The following IRX5 variants were observed in gnomAD, a reference collection of about 807,000 sequenced individuals.
IRX5 encodes iroquois homeobox 5.
Under a neutral mutation model 37.6 loss-of-function variants are expected in IRX5, and 8 were observed. The ratio of observed to expected loss-of-function variants is 0.21; its 90% confidence interval spans 0.12 to 0.38. The LOEUF is 0.38. Ranked by LOEUF, IRX5 falls within the 10% of genes least tolerant of loss-of-function variation. IRX5 has a pLI of 1.00. For synonymous variants in IRX5, 359 were observed against 328.6 expected, an observed-to-expected ratio of 1.09 and a Z score of -1.00; for missense variants, 635 against 695.2, an observed-to-expected ratio of 0.91 and a Z score of 0.97.
Position 54,934,179 on chromosome 16 carries a change from A to G in IRX5, c.*306A>G. 1.4e-5 allele frequency: 3 copies of G among 209,406 alleles called. No individual in the cohort carries two copies. Among genetic ancestry groups the G allele is most frequent in the Non-Finnish European group, 1.9e-5 (2 of 106,200 alleles). The allele number at this position is 209,406 out of a possible 1,614,324, so 13.0% of individuals were successfully genotyped here. ...TATCTTTGAAGTAAATTATGAAATC[A>G]AGACACCTGTACAGGCATTTAATGT... On this transcript the variant is annotated 3_prime_UTR_variant, in exon 3 of 3. Coordinates refer to ENST00000394636, the MANE Select transcript of IRX5 (RefSeq NM_005853.6).
rs1168261643 is a variant in IRX5 at position 54,932,591 on chromosome 16, G to C, written c.343G>C (p.Ala115Pro). The stretch of plus-strand genomic sequence containing the variant: ...GGGATCGTACCCTTACGGGGACCCA[G>C]CGTACCGGAAGAACGCCACAAGGGA... ...PLGSYPYGDP[A>P]YRKNATRDAT... Residue 115 changes from alanine to proline, a missense_variant, in exon 2 of 3, where the codon GCG (alanine) becomes CCG (proline). Ala to Pro is a conservative substitution (Grantham distance 27). Around this residue, in one of 5 missense-constraint regions of IRX5, gnomAD observed 55 missense variants for 120.5 expected, o/e 0.46. Transcript: ENST00000394636. This position sits in a 1 kb window ranked among gnomAD's most constrained non-coding sequence, Gnocchi z 6.7. 1 of 1,614,118 alleles carries C rather than the reference G, an allele frequency of 6.2e-7. No individual in the cohort carries two copies. The highest frequency in any genetic ancestry group is 8.5e-7 in the Non-Finnish European group (1 of 1,180,030).
Position 54,932,849 on chromosome 16 carries a change from G to C in IRX5, c.601G>C (p.Glu201Gln), listed in dbSNP as rs754897543. The C allele has an allele frequency of 1.2e-6, 2 of 1,614,074 alleles. No individual in the cohort carries two copies. Among genetic ancestry groups the C allele is most frequent in the Non-Finnish European group, 1.7e-6 (2 of 1,179,990 alleles). Residue 201 changes from glutamate (E) to glutamine (Q), a missense_variant, in exon 2 of 3, where the codon GAG becomes CAG. Glu to Gln is a conservative substitution (Grantham distance 29, BLOSUM62 2). Coordinates refer to ENST00000394636, the MANE Select transcript of IRX5 (RefSeq NM_005853.6). This position sits in a 1 kb window ranked among gnomAD's most constrained non-coding sequence, Gnocchi z 6.7. Reference sequence around the variant, plus strand: ...GAACATTGACCTGGAGAAGAACGACGAGGACGAGCCCCAGAAGCCCGAGGA... The same window carrying C: ...GAACATTGACCTGGAGAAGAACGACCAGGACGAGCCCCAGAAGCCCGAGGA... ...EENIDLEKND[E>Q]DEPQKPEDKG...
chr16:54,931,068 C>A lies in IRX5; in HGVS notation c.-131C>A. The A allele has an allele frequency of 3.5e-6, 2 of 573,846 alleles. No homozygotes were observed. The highest frequency in any genetic ancestry group is 4.5e-6 in the Non-Finnish European group (2 of 448,350). The allele number at this position is 573,846 out of a possible 1,614,324, so 35.5% of individuals were successfully genotyped here. On this transcript the variant is annotated 5_prime_UTR_variant, in exon 1 of 3. Transcript: ENST00000394636. ...GCGAGGAGGCGCCGCGGGCCGGAGC[C>A]CCGGAGCCGGGGCCAGAGGAGCGGC...
At position 54,933,613 on chromosome 16, in the gene IRX5, C is replaced by CTA; in HGVS notation, c.1193_1194insAT (p.Ser399CysfsTer45). The stretch of plus-strand genomic sequence containing the variant: ...GTGTCCTTTTCCAGGCGGGACGGTG[C>CTA]TGTCCCGGCCTCTCTACTACACCGC... On this transcript the variant is annotated frameshift_variant, in exon 3 of 3. Transcript: ENST00000394636. LOFTEE classifies it high-confidence loss of function. The CTA allele has an allele frequency of 6.2e-7, 1 of 1,610,846 alleles. No homozygotes were observed. The highest frequency in any genetic ancestry group is 8.5e-7 in the Non-Finnish European group (1 of 1,178,044).
rs1168774214 is a variant in IRX5 at position 54,931,123 on chromosome 16, G to T, written c.-76G>T. 5 of 1,185,494 alleles carry T rather than the reference G, an allele frequency of 4.2e-6. No individual in the cohort carries two copies. Among genetic ancestry groups the T allele is most frequent in the African/African-American group, 1.6e-5 (1 of 62,108 alleles). The allele number at this position is 1,185,494 out of a possible 1,614,324, so 73.4% of individuals were successfully genotyped here. A position where few individuals can be genotyped will look rare whatever the true frequency, so the allele number is the denominator to read the frequency against. Reference sequence around the variant, plus strand: ...CAGGGCAGCCAGAGGCCAGGTGCCCGCCCGCTCGCCCTCGCAGGGCGCCGC... The same window carrying T: ...CAGGGCAGCCAGAGGCCAGGTGCCCTCCCGCTCGCCCTCGCAGGGCGCCGC... On this transcript the variant is annotated 5_prime_UTR_variant, in exon 1 of 3. Transcript: ENST00000394636.
In IRX5 at chr16:54,932,204, C is replaced by G; in HGVS notation, c.250-294C>G. On this transcript the variant is annotated intron_variant, in intron 1 of 2. Transcript: ENST00000394636. The surrounding 1 kb of genome is among the most constrained non-coding windows in gnomAD (Gnocchi z 6.7). ...CCGGGCCGCCGTGGCCAGATCTGCG[C>G]ACGGGGTACGGACGTGCCCGGGCAG... The G allele has an allele frequency of 2.8e-6, 2 of 702,764 alleles. No individual in the cohort carries two copies. Among genetic ancestry groups the G allele is most frequent in the Non-Finnish European group, 2.6e-6 (1 of 384,992 alleles). 43.5% of individuals were successfully genotyped at this position (702,764 alleles called of 1,614,324 possible).
chr16:54,933,102 G>T lies in IRX5; in HGVS notation c.681G>T (p.Ser227=), dbSNP rs139113918. Residue 227 remains serine, a synonymous_variant, in exon 3 of 3, where the codon TCG becomes TCT. Transcript: ENST00000394636. ...GAGGAGCTGAGCAGAAGGCGGCTTCGGGCTGCGAACGGCTTCAGGGACCAC... is the reference window on the plus strand; with the variant it reads ...GAGGAGCTGAGCAGAAGGCGGCTTCTGGCTGCGAACGGCTTCAGGGACCAC... The part of the protein sequence containing the change: ...EAGGAEQKAA[S]GCERLQGPPT... The T allele has an allele frequency of 5.7e-6, 9 of 1,591,666 alleles. No individual in the cohort carries two copies. The highest frequency in any genetic ancestry group is 6.0e-6 in the Non-Finnish European group (7 of 1,174,384).
chr16:54,933,659 C>T lies in IRX5; in HGVS notation c.1238C>T (p.Thr413Met), dbSNP rs568146590. The change falls in exon 3 of 3, where the codon ACG becomes ATG. Residue 413 changes from threonine (T) to methionine (M), a missense_variant. Transcript: ENST00000394636. ...YYTAPFYPGY[T>M]NYGSFGHLHG... ...ACCGCGCCCTTCTATCCCGGCTACA[C>T]GAACTATGGCTCCTTCGGACACCTT... 2 of 1,611,872 alleles carry T rather than the reference C, an allele frequency of 1.2e-6. No homozygotes were observed. The highest frequency in any genetic ancestry group is 2.2e-5 in the East Asian group (1 of 44,758).
At position 54,933,926 on chromosome 16, in the gene IRX5, G is replaced by T. The variant is rs1963938404; in HGVS notation, c.*53G>T. On this transcript the variant is annotated 3_prime_UTR_variant, in exon 3 of 3. Coordinates refer to ENST00000394636, the MANE Select transcript of IRX5 (RefSeq NM_005853.6). ...CTAATTTATTAAAAACATGGCCTTG[G>T]CAGTTATTTTTCCATCACCGAGAGA... 5.4e-6 allele frequency: 8 copies of T among 1,481,980 alleles called. No homozygotes were observed. The East Asian group carries it at 9.3e-5, about 17-fold the overall frequency. 91.8% of individuals were successfully genotyped at this position (1,481,980 alleles called of 1,614,324 possible). A position where few individuals can be genotyped will look rare whatever the true frequency, so the allele number is the denominator to read the frequency against.
intron 1 of IRX5, 109 bp downstream of exon 1, chr16:54,931,556 C>A: frequency 7.3e-7 from 1 of 1,365,868 alleles, no homozygotes; most frequent in Non-Finnish European, 9.6e-7. Context: ...CCCCGCCAAG[C>A]TTCGCGGCCC....
In IRX5 at chr16:54,932,989, T is replaced by TG; in HGVS notation, c.656-83dup. 1 of 1,593,454 alleles carries TG rather than the reference T, an allele frequency of 6.3e-7. No homozygotes were observed. Among genetic ancestry groups the TG allele is most frequent in the Non-Finnish European group, 8.5e-7 (1 of 1,172,398 alleles). The stretch of plus-strand genomic sequence containing the variant: ...GGGGGCGCGCACGGGGCCTGGAGGT[T>TG]GGGGGCAGGGGTCCCTGCCTTTGCG... On this transcript the variant is annotated intron_variant, in intron 2 of 2. Coordinates refer to ENST00000394636, the MANE Select transcript of IRX5 (RefSeq NM_005853.6). This position sits in a 1 kb window ranked among gnomAD's most constrained non-coding sequence, Gnocchi z 6.7.
Position 54,932,531 on chromosome 16 carries a change from G to A in IRX5, c.283G>A (p.Gly95Ser), listed in dbSNP as rs1200015221. ...CTACGACCACACACCCGGCATGGCG[G>A]GCTCCTTGGGGTACCATCCTTACGC... ...SPYDHTPGMAGSLGYHPYAAP... is the reference protein window; with the variant it reads ...SPYDHTPGMASSLGYHPYAAP... The change falls in exon 2 of 3, where the codon GGC becomes AGC. Residue 95 changes from glycine (G) to serine (S), a missense_variant. Gly to Ser is a moderately conservative substitution (Grantham distance 56). This residue lies in a region of IRX5 where 145 missense variants were observed against 152.4 expected (regional missense o/e 0.95). Transcript: ENST00000394636. The surrounding 1 kb of genome is among the most constrained non-coding windows in gnomAD (Gnocchi z 6.7). The A allele has an allele frequency of 6.2e-7, 1 of 1,613,144 alleles. No homozygotes were observed. Among genetic ancestry groups the A allele is most frequent in the African/African-American group, 1.3e-5 (1 of 74,882 alleles).
At position 54,933,531 on chromosome 16, in the gene IRX5, C is replaced by T. The variant is rs1963930840; in HGVS notation, c.1110C>T (p.Ala370=). Residue 370 remains alanine (A), a synonymous_variant, in exon 3 of 3, where the codon GCC becomes GCT. Coordinates refer to ENST00000394636, the MANE Select transcript of IRX5 (RefSeq NM_005853.6). ...GTCCCGGGCCCATAGCCGGGCAAGCCCTAGGAGGCAGCCGGGCGTCGCCGG... is the reference window on the plus strand; with the variant it reads ...GTCCCGGGCCCATAGCCGGGCAAGCTCTAGGAGGCAGCCGGGCGTCGCCGG... ...PPCPGPIAGQ[A]LGGSRASPAP... 6.2e-7 allele frequency: 1 copy of T among 1,608,080 alleles called. No homozygotes were observed. The highest frequency in any genetic ancestry group is 8.5e-7 in the Non-Finnish European group (1 of 1,177,170).
chr16:54,933,112 C>A lies in IRX5; in HGVS notation c.691C>A (p.Arg231=), dbSNP rs200111411. Residue 231 remains arginine (R), a synonymous_variant, in exon 3 of 3, where the codon CGG becomes AGG. Coordinates refer to ENST00000394636, the MANE Select transcript of IRX5 (RefSeq NM_005853.6). ...AEQKAASGCE[R]LQGPPTPAGK... ...GCAGAAGGCGGCTTCGGGCTGCGAA[C>A]GGCTTCAGGGACCACCCACCCCTGC... is the stretch of plus-strand genomic sequence containing the variant. The A allele has an allele frequency of 6.3e-7, 1 of 1,589,562 alleles. No homozygotes were observed. Among genetic ancestry groups the A allele is most frequent in the East Asian group, 2.3e-5 (1 of 44,046 alleles).
In IRX5 at chr16:54,931,379, T is replaced by C; in HGVS notation, c.181T>C (p.Tyr61His). 6.2e-7 allele frequency: 1 copy of C among 1,603,448 alleles called. No individual in the cohort carries two copies. Among genetic ancestry groups the C allele is most frequent in the African/African-American group, 1.3e-5 (1 of 74,928 alleles). Residue 61 changes from tyrosine to histidine, a missense_variant, in exon 1 of 3, where the codon TAC becomes CAC. Tyr to His is a moderately conservative substitution (Grantham distance 83). Coordinates refer to ENST00000394636, the MANE Select transcript of IRX5 (RefSeq NM_005853.6). Reference protein sequence around the residue: ...STAFTAPSPGYNSHLQYGADP... With the variant: ...STAFTAPSPGHNSHLQYGADP... The stretch of plus-strand genomic sequence containing the variant: ...TGCCTTCACGGCGCCCTCGCCGGGC[T>C]ACAACTCGCACCTCCAGTACGGCGC...
Position 54,932,436 on chromosome 16 carries a change from C to T in IRX5, c.250-62C>T, listed in dbSNP as rs1373716833. ...GGGGAGCGCAGGGAAAAGGGTGCTT[C>T]GGTCGTTCCGATGGCAGTGGAGACC... On this transcript the variant is annotated intron_variant, in intron 1 of 2. Transcript: ENST00000394636. The surrounding 1 kb of genome is among the most constrained non-coding windows in gnomAD (Gnocchi z 6.7). 1 of 1,528,970 alleles carries T rather than the reference C, an allele frequency of 6.5e-7. No individual in the cohort carries two copies. The highest frequency in any genetic ancestry group is 2.3e-5 in the East Asian group (1 of 44,216). 94.7% of individuals were successfully genotyped at this position (1,528,970 alleles called of 1,614,324 possible).
In IRX5 at chr16:54,932,120, C is replaced by T. The variant is rs1343606215; in HGVS notation, c.250-378C>T. ...TCCCCCCTTGCGCCCAACGTGCGTCCGCTCCCCCGCCGAGCGCGGAGTCGC... is the reference window on the plus strand; with the variant it reads ...TCCCCCCTTGCGCCCAACGTGCGTCTGCTCCCCCGCCGAGCGCGGAGTCGC... On this transcript the variant is annotated intron_variant, in intron 1 of 2. Transcript: ENST00000394636. The surrounding 1 kb of genome is among the most constrained non-coding windows in gnomAD (Gnocchi z 6.7). The T allele has an allele frequency of 4.3e-6, 3 of 702,714 alleles. No homozygotes were observed. The highest frequency in any genetic ancestry group is 2.0e-5 in the Admixed American group (1 of 49,996). 43.5% of individuals were successfully genotyped at this position (702,714 alleles called of 1,614,324 possible). A position where few individuals can be genotyped will look rare whatever the true frequency, so the allele number is the denominator to read the frequency against.
chr16:54,932,408 C>T lies in IRX5; in HGVS notation c.250-90C>T, dbSNP rs757577567. 4.8e-6 allele frequency: 7 copies of T among 1,455,518 alleles called. No homozygotes were observed. In the African/African-American group the frequency reaches 8.5e-5, roughly 18 times the overall value. 90.2% of individuals were successfully genotyped at this position (1,455,518 alleles called of 1,614,324 possible). Reference sequence around the variant, plus strand: ...GTGCGGGCCTCGTCCACCCACAGACCCCGGGGAGCGCAGGGAAAAGGGTGC... The same window carrying T: ...GTGCGGGCCTCGTCCACCCACAGACTCCGGGGAGCGCAGGGAAAAGGGTGC... On this transcript the variant is annotated intron_variant, in intron 1 of 2. Coordinates refer to ENST00000394636, the MANE Select transcript of IRX5 (RefSeq NM_005853.6). This position sits in a 1 kb window ranked among gnomAD's most constrained non-coding sequence, Gnocchi z 6.7.
In IRX5 at chr16:54,931,314, C is replaced by T; in HGVS notation, c.116C>T (p.Ser39Phe). 2 of 1,612,152 alleles carry T rather than the reference C, an allele frequency of 1.2e-6. No individual in the cohort carries two copies. The highest frequency in any genetic ancestry group is 1.7e-6 in the Non-Finnish European group (2 of 1,179,644). The stretch of plus-strand genomic sequence containing the variant: ...CCCCGCACGGATGAGCTCGGCCGCT[C>T]TTCTTCGGGCTCCGCGTTCTCGCCC... Reference protein sequence around the residue: ...SGPRTDELGRSSSGSAFSPYA... With the variant: ...SGPRTDELGRFSSGSAFSPYA... The change falls in exon 1 of 3, where the codon TCT becomes TTT. Residue 39 changes from serine to phenylalanine, a missense_variant. This residue lies in a region of IRX5 where 145 missense variants were observed against 152.4 expected (regional missense o/e 0.95). Coordinates refer to ENST00000394636, the MANE Select transcript of IRX5 (RefSeq NM_005853.6).
Sources: gnomAD v4.1 joint callset for allele counts on GRCh38, gnomAD v4.1.1 for gene constraint, gnomAD v4.1.1 regional missense constraint, Gnocchi (gnomAD v3.1) non-coding constraint, MANE v1.5 for transcripts, NCBI Gene and HGNC (gene_info 2026-07-23, HGNC 2026-07-21) for gene names.